Variants in WDR59 observed in about 807,000 individuals in gnomAD.
The protein encoded by WDR59 is GATOR2 complex protein WDR59.
Under a neutral mutation model 131.2 loss-of-function variants are expected in WDR59, and 100 were observed. That is an observed-to-expected ratio of 0.76 (90% confidence interval 0.65 to 0.90). The LOEUF (loss-of-function observed/expected upper bound fraction) is 0.90. WDR59 is among the 40% of genes least tolerant of loss of function. The pLI is 0.00. For synonymous variants in WDR59, 601 were observed against 466.2 expected, an observed-to-expected ratio of 1.29 and a Z score of -3.72; for missense variants, 1,203 against 1,262.2, an observed-to-expected ratio of 0.95 and a Z score of 0.71.
At chr16:74,978,703 T>G (rs1462821808) in intron 1 of WDR59, among the ~76,000 whole-genome samples, 1 of 152,184 alleles carries the variant, frequency 6.6e-6, no homozygotes, top group Admixed American at 6.6e-5. Context: ...CTACATCCAT[T>G]TGTCAAAACC....
At chr16:74,957,060 G>C (rs898248148) in intron 2 of WDR59, among the ~76,000 whole-genome samples, 1 of 150,360 alleles carries the variant, frequency 6.7e-6, no homozygotes, top group Non-Finnish European at 1.5e-5. Flanking sequence ...AATGAACTAT[G>C]TCTTGAATAT....
At chr16:74,935,667 T>A (rs960237492) in intron 8 of WDR59, among the ~76,000 whole-genome samples, 7 of 152,168 alleles carry the variant, frequency 4.6e-5, no homozygotes, top group Non-Finnish European at 1.0e-4. Flanking sequence ...AATGGTTGAA[T>A]GTTATGCAAA....
At chr16:74,891,362 G>C (rs555048066) in intron 20 of WDR59, among the ~76,000 whole-genome samples, 1 of 152,174 alleles carries the variant, frequency 6.6e-6, no homozygotes, top group South Asian at 2.1e-4. Context: ...CAACATACTT[G>C]AAAAATATAC....
chr16:74,944,523 C>T (rs1027905321), intron 6 of WDR59, among the ~76,000 whole-genome samples: 1 of 150,750 alleles, frequency 6.6e-6, no homozygotes, highest in Admixed American at 6.6e-5. Context: ...GCTATGAGAA[C>T]TCTCAGACAC....
intron 1 of WDR59, among the ~76,000 whole-genome samples, chr16:74,970,559 T>A (rs2033944624): frequency 6.9e-6 from 1 of 144,062 alleles, no homozygotes; most frequent in South Asian, 2.2e-4. Context: ...CTAAGCAGGT[T>A]CCACCTTTTC....
At chr16:74,931,014 T>G (rs1254766934) in intron 8 of WDR59, among the ~76,000 whole-genome samples, 1 of 151,844 alleles carries the variant, frequency 6.6e-6, no homozygotes, top group Non-Finnish European at 1.5e-5. Context: ...TCAGGTAATG[T>G]TCTAATGAAG....
chr16:74,876,369 T>C (rs1964212434), intron 25 of WDR59, among the ~76,000 whole-genome samples: 1 of 152,198 alleles, frequency 6.6e-6, no homozygotes, highest in Non-Finnish European at 1.5e-5. Context: ...AACTCTCAAA[T>C]TTTCATTACT....
intron 25 of WDR59, 59 bp from the exon 26 acceptor site, chr16:74,874,503 G>A (rs1964113013): frequency 2.7e-6 from 4 of 1,477,680 alleles, no homozygotes; most frequent in Non-Finnish European, 3.7e-6. Context: ...TCTGAAAAAG[G>A]AAACTGGGGC....
intron 1 of WDR59, among the ~76,000 whole-genome samples, chr16:74,966,864 G>A (rs565406658): frequency 1.6e-4 from 24 of 152,296 alleles, no homozygotes; most frequent in African/African-American, 5.8e-4. Context: ...ACTCCCAAGA[G>A]ACTGCAATGA....
intron 4 of WDR59, among the ~76,000 whole-genome samples, chr16:74,950,098 T>G (rs1322289621): frequency 6.6e-6 from 1 of 152,146 alleles, no homozygotes; most frequent in Non-Finnish European, 1.5e-5. Flanking sequence ...TCCCAGCACT[T>G]TGGGAGGCTG....
chr16:74,907,512 T>C (rs1965875030), intron 17 of WDR59, among the ~76,000 whole-genome samples: 1 of 152,224 alleles, frequency 6.6e-6, no homozygotes, highest in Admixed American at 6.5e-5. Context: ...CAACACGATT[T>C]TAAGTTTCCT....
chr16:74,909,566 T>TAAGCCGTGGTC lies in WDR59; in HGVS notation c.1566_1576dup (p.Tyr526Ter). ...AATGTTGGCGTCCTGGTACGACCCG[T>TAAGCCGTGGTC]AAGCCGTGGTCACCCGCGCAAACGT... On this transcript the variant is annotated stop_gained and frameshift_variant, in exon 16 of 26. Transcript: ENST00000262144. LOFTEE classifies it high-confidence loss of function. 2 of 1,611,002 alleles carry TAAGCCGTGGTC rather than the reference T, an allele frequency of 1.2e-6. No individual in the cohort carries two copies. Among genetic ancestry groups the TAAGCCGTGGTC allele is most frequent in the Non-Finnish European group, 1.7e-6 (2 of 1,179,054 alleles).
chr16:74,964,972 G>A (rs1597805922), intron 2 of WDR59, among the ~76,000 whole-genome samples: 1 of 152,034 alleles, frequency 6.6e-6, no homozygotes, highest in Admixed American at 6.6e-5. Flanking sequence ...GCTGAGGCAG[G>A]AGAATCACTT....
At chr16:74,882,635 T>C (rs986503587) in intron 25 of WDR59, among the ~76,000 whole-genome samples, 5 of 151,774 alleles carry the variant, frequency 3.3e-5, no homozygotes, top group African/African-American at 1.2e-4. Context: ...TTAATTGTAT[T>C]GTATTGTAGT....
At chr16:74,889,670 T>G in intron 21 of WDR59, 33 bp downstream of exon 21, 1 of 1,557,330 alleles carries the variant, frequency 6.4e-7, no homozygotes, top group Non-Finnish European at 8.8e-7. Context: ...TGGACATCAC[T>G]CATTTTTCTC....
intron 1 of WDR59, among the ~76,000 whole-genome samples, chr16:74,970,489 T>G (rs2033935389): frequency 2.5e-5 from 1 of 39,268 alleles, no homozygotes; most frequent in African/African-American, 5.8e-5. Context: ...AGAGAGACTC[T>G]GTCTCCAAAA....
intron 13 of WDR59, among the ~76,000 whole-genome samples, chr16:74,914,084 C>T (rs1276209714): frequency 5.3e-5 from 8 of 152,112 alleles, no homozygotes; most frequent in Non-Finnish European, 1.0e-4. Context: ...TGGTGGCGTG[C>T]GCCCATAATC....
At chr16:74,889,941 A>G in intron 20 of WDR59, 126 bp from the exon 21 acceptor site, 1 of 632,114 alleles carries the variant, frequency 1.6e-6, no homozygotes, top group Non-Finnish European at 2.7e-6. Flanking sequence ...CAAAAGCTGG[A>G]TCCTTATTGA....
At chr16:74,881,327 G>A (rs1012519453) in intron 25 of WDR59, among the ~76,000 whole-genome samples, 1 of 152,064 alleles carries the variant, frequency 6.6e-6, no homozygotes, top group Non-Finnish European at 1.5e-5. Context: ...GAGAAGACCT[G>A]TGGCCTTGAC....
Sources: allele counts gnomAD v4.1 joint callset (sites outside exome capture counted in the v4.1 genomes callset), GRCh38; gene constraint gnomAD v4.1.1; transcripts MANE v1.5; gene names NCBI Gene and HGNC (gene_info 2026-07-23, HGNC 2026-07-21).